The following SLC1A1 variants were observed in gnomAD, a reference collection of about 807,000 sequenced individuals.
The protein encoded by SLC1A1 is excitatory amino acid transporter 3.
A neutral mutation model predicts 53.3 loss-of-function variants in SLC1A1; 43 were observed. The ratio of observed to expected loss-of-function variants is 0.81; its 90% CI spans 0.63 to 1.04. The LOEUF is 1.04. SLC1A1 is among the 50% of genes least tolerant of loss of function. The probability of loss-of-function intolerance (pLI) is 0.00; values close to 1 mark genes in which losing one functional copy is unlikely to be tolerated. For missense variants in SLC1A1, 748 were observed against 664.9 expected, an observed-to-expected ratio of 1.12 and a Z score of -1.37; for synonymous variants, 307 against 243.2, an observed-to-expected ratio of 1.26 and a Z score of -2.44.
chr9:4,574,575 G>GCTTC (rs1820372743), intron 8 of SLC1A1, among the ~76,000 whole-genome samples: 2 of 152,066 alleles, frequency 1.3e-5, no homozygotes, highest in Non-Finnish European at 2.9e-5. Flanking sequence ...CTTTTTGGAA[G>GCTTC]CCATTAAACA....
intron 1 of SLC1A1, 109 bp downstream of exon 1, chr9:4,490,879 C>T: frequency 1.1e-6 from 1 of 925,806 alleles, no homozygotes; most frequent in Non-Finnish European, 1.7e-6. Flanking sequence ...TGCAGGGTCC[C>T]TCGATGCCCC....
At chr9:4,526,955 A>G (rs1412233917) in intron 1 of SLC1A1, among the ~76,000 whole-genome samples, 1 of 152,160 alleles carries the variant, frequency 6.6e-6, no homozygotes, top group African/African-American at 2.4e-5. Flanking sequence ...TTGCAAATGT[A>G]ATTAAAGTCC....
intron 1 of SLC1A1, among the ~76,000 whole-genome samples, chr9:4,531,341 T>C (rs544710704): frequency 6.6e-6 from 1 of 152,176 alleles, no homozygotes; most frequent in African/African-American, 2.4e-5. Flanking sequence ...ACCTGGAAAA[T>C]CGGGTCACTC....
intron 7 of SLC1A1, 47 bp downstream of exon 7, chr9:4,572,435 G>T: frequency 6.6e-7 from 1 of 1,505,362 alleles, no homozygotes; most frequent in Non-Finnish European, 9.3e-7. Context: ...TGACAATTCT[G>T]TCTCCTCAAA....
intron 2 of SLC1A1, among the ~76,000 whole-genome samples, chr9:4,555,648 C>T (rs1261878465): frequency 6.6e-6 from 1 of 152,188 alleles, no homozygotes; most frequent in Non-Finnish European, 1.5e-5. Flanking sequence ...TGTTTCTAGG[C>T]CACAGCCGAG....
At chr9:4,527,547 T>G (rs576198551) in intron 1 of SLC1A1, among the ~76,000 whole-genome samples, 2 of 152,320 alleles carry the variant, frequency 1.3e-5, no homozygotes, top group South Asian at 2.1e-4. Flanking sequence ...TATGGTATAC[T>G]ACATTTGCCA....
At chr9:4,516,370 G>C (rs958068797) in intron 1 of SLC1A1, among the ~76,000 whole-genome samples, 15 of 152,228 alleles carry the variant, frequency 9.9e-5, no homozygotes, top group South Asian at 2.1e-4. Context: ...GGATGTGGCA[G>C]AGCCAGAATG....
chr9:4,580,651 G>GTGTGTA (rs370378540), intron 10 of SLC1A1, among the ~76,000 whole-genome samples: 13,739 of 118,486 alleles, frequency 0.12, 1,242 homozygotes, highest in African/African-American at 0.14. Context: ...GTGTGTGTGT[G>GTGTGTA]TATAAGGAAT....
intron 1 of SLC1A1, among the ~76,000 whole-genome samples, chr9:4,521,044 T>C (rs952887840): frequency 3.3e-5 from 5 of 152,250 alleles, no homozygotes; most frequent in African/African-American, 1.2e-4. Flanking sequence ...CATCTTTTTA[T>C]ATGCTTACTG....
intron 1 of SLC1A1, among the ~76,000 whole-genome samples, chr9:4,495,646 G>T (rs1820388033): frequency 6.6e-6 from 1 of 152,076 alleles, no homozygotes; most frequent in African/African-American, 2.4e-5. Flanking sequence ...GAAACATCAA[G>T]GAGTAGAATG....
At chr9:4,516,229 C>T (rs1821157150) in intron 1 of SLC1A1, among the ~76,000 whole-genome samples, 1 of 152,196 alleles carries the variant, frequency 6.6e-6, no homozygotes. Context: ...CCAGCATGAA[C>T]TTACCCAGAA....
rs921216103 is a variant in SLC1A1, at chr9:4,510,362, A to C, written c.91+19592A>C. Among the ~76,000 whole-genome samples the C allele has an allele frequency of 2.0e-5, 3 of 152,218 alleles. No individual in the cohort carries two copies. In the East Asian group the frequency reaches 5.8e-4, roughly 29 times the overall value. On this transcript the variant is annotated intron_variant, in intron 1 of 11. Transcript: ENST00000262352. The stretch of plus-strand genomic sequence containing the variant: ...TGTGGCTGGCGGAGAAGGCACCTAG[A>C]ATACCAGTGGCAGCTTCTCTGTCTC...
chr9:4,508,382 C>T (rs1291223539), intron 1 of SLC1A1, among the ~76,000 whole-genome samples: 2 of 152,126 alleles, frequency 1.3e-5, no homozygotes, highest in African/African-American at 4.8e-5. Flanking sequence ...GATAGATTCA[C>T]CCACCTGCTG....
intron 1 of SLC1A1, among the ~76,000 whole-genome samples, chr9:4,525,171 C>G (rs1389061880): frequency 1.3e-5 from 2 of 152,110 alleles, no homozygotes; most frequent in African/African-American, 4.8e-5. Flanking sequence ...TTTGGCCCTG[C>G]CCTTGGAAAC....
chr9:4,531,853 C>A (rs1219127030), intron 1 of SLC1A1, among the ~76,000 whole-genome samples: 4 of 152,120 alleles, frequency 2.6e-5, no homozygotes, highest in Non-Finnish European at 5.9e-5. Flanking sequence ...CCCTCTGAGA[C>A]AAAATTTCCA....
At chr9:4,529,692 T>TTG (rs1554678046) in intron 1 of SLC1A1, among the ~76,000 whole-genome samples, 44 of 151,840 alleles carry the variant, frequency 2.9e-4, no homozygotes, top group South Asian at 1.5e-3. Flanking sequence ...GAAACTTTTT[T>TTG]TGTGTGTGTG....
At chr9:4,514,813 A>T (rs974432308) in intron 1 of SLC1A1, among the ~76,000 whole-genome samples, 5 of 152,146 alleles carry the variant, frequency 3.3e-5, no homozygotes, top group Admixed American at 6.5e-5. Context: ...TTGTATGCAG[A>T]AAGAGTTTTA....
chr9:4,528,867 C>T (rs954098108), intron 1 of SLC1A1, among the ~76,000 whole-genome samples: 2 of 152,050 alleles, frequency 1.3e-5, no homozygotes, highest in Non-Finnish European at 2.9e-5. Flanking sequence ...CACACATATC[C>T]GTGTCTTCAT....
intron 1 of SLC1A1, among the ~76,000 whole-genome samples, chr9:4,504,359 C>A (rs1820730454): frequency 6.6e-6 from 1 of 152,246 alleles, no homozygotes; most frequent in Non-Finnish European, 1.5e-5. Flanking sequence ...CTGCCCACTT[C>A]TCTCCCTGTC....
Sources: gnomAD v4.1 joint callset for allele counts (sites outside exome capture counted in the v4.1 genomes callset) on GRCh38, gnomAD v4.1.1 for gene constraint, MANE v1.5 for transcripts, NCBI Gene and HGNC (gene_info 2026-07-23, HGNC 2026-07-21) for gene names.